The following HTT variants were observed in gnomAD, a reference collection of about 807,000 sequenced individuals.
The protein encoded by HTT is huntington disease protein.
In HTT, 104 loss-of-function variants were observed where a neutral mutation model predicts 362.3. The observed-to-expected ratio is 0.29, with a 90% CI of 0.24 to 0.34. The LOEUF is 0.34. HTT is among the 10% of genes least tolerant of loss of function. The pLI is 1.00. For missense variants in HTT, 3,301 were observed against 3,928.6 expected, an observed-to-expected ratio of 0.84 and a Z score of 4.27; for synonymous variants, 1,577 against 1,548.7, an observed-to-expected ratio of 1.02 and a Z score of -0.43.
chr4:3,238,320 C>T (rs1411866645), intron 64 of HTT, 127 bp from the exon 65 acceptor site: 9 of 641,842 alleles, frequency 1.4e-5, no homozygotes, highest in African/African-American at 7.6e-5. Context: ...CCCTCACGGC[C>T]GAGGGTCCCT....
intron 29 of HTT, among the ~76,000 whole-genome samples, chr4:3,164,004 T>G (rs891482231): frequency 2.2e-4 from 33 of 152,348 alleles, no homozygotes; most frequent in African/African-American, 7.7e-4. Flanking sequence ...TCTAGTTCTT[T>G]TAATTGTGAT....
chr4:3,181,006 A>C (rs775009678), intron 36 of HTT, among the ~76,000 whole-genome samples: 14 of 151,656 alleles, frequency 9.2e-5, no homozygotes, highest in Non-Finnish European at 1.9e-4. Context: ...CCTCCCGAGT[A>C]GCTGGGATTA....
rs555902439 is a variant in HTT at position 3,229,396 on chromosome 4, ACAC to A, written c.8109+391_8109+393del. On this transcript the variant is annotated intron_variant, in intron 59 of 66. Transcript: ENST00000355072. ...CACATGCCACGTGCACACACCCCACACACCACATGTATGTGCCACACACAGCAC... is the reference window on the plus strand; with the variant it reads ...CACATGCCACGTGCACACACCCCACACACATGTATGTGCCACACACAGCAC... Among the ~76,000 whole-genome samples the A allele has an allele frequency of 1.5e-3, 215 of 145,278 alleles. 1 individual carries two copies. Among genetic ancestry groups the A allele is most frequent in the African/African-American group, 5.1e-3 (194 of 37,708 alleles).
chr4:3,082,944 G>A (rs985420996), intron 1 of HTT, among the ~76,000 whole-genome samples: 2 of 152,144 alleles, frequency 1.3e-5, no homozygotes, highest in Admixed American at 6.5e-5. Flanking sequence ...GAGACAATGT[G>A]CAATTTTATT....
chr4:3,184,491 G>C (rs1045432664), intron 37 of HTT, among the ~76,000 whole-genome samples: 1 of 152,144 alleles, frequency 6.6e-6, no homozygotes, highest in African/African-American at 2.4e-5. Flanking sequence ...TGTGAGACCC[G>C]GCACTGGAGT....
chr4:3,190,015 C>CA (rs530752710), intron 40 of HTT, among the ~76,000 whole-genome samples: 1 of 151,482 alleles, frequency 6.6e-6, no homozygotes, highest in African/African-American at 2.4e-5. Context: ...GACCCTGCCT[C>CA]AAAAAAACAA....
In HTT at chr4:3,116,154, A is replaced by G. The variant is rs1394085385; in HGVS notation, c.959A>G (p.Tyr320Cys). ...CTTGGCGTGCTGCTCACCCTGAGGT[A>G]TTTGGTGCCCTTGCTGCAGCAGCAG... is the stretch of plus-strand genomic sequence containing the variant. ...LILGVLLTLR[Y>C]LVPLLQQQVK... Residue 320 changes from tyrosine to cysteine, a missense_variant, in exon 8 of 67, where the codon TAT becomes TGT. Physicochemically the swap from Tyr to Cys is radical, Grantham distance 194 (BLOSUM62 -2). This residue lies in a region of HTT where 2,316 missense variants were observed against 2,658.5 expected (regional missense o/e 0.87). Coordinates refer to ENST00000355072, the MANE Select transcript of HTT (RefSeq NM_001388492.1). 3.1e-6 allele frequency: 5 copies of G among 1,613,900 alleles called. No homozygotes were observed. Among genetic ancestry groups the G allele is most frequent in the East Asian group, 2.2e-5 (1 of 44,896 alleles).
At chr4:3,119,017 T>G (rs1715165065) in intron 8 of HTT, among the ~76,000 whole-genome samples, 1 of 152,220 alleles carries the variant, frequency 6.6e-6, no homozygotes, top group Non-Finnish European at 1.5e-5. Context: ...TATTGATAAT[T>G]TTAGATATGC....
intron 42 of HTT, among the ~76,000 whole-genome samples, chr4:3,205,884 A>G (rs1719833217): frequency 6.6e-6 from 1 of 152,254 alleles, no homozygotes; most frequent in Non-Finnish European, 1.5e-5. Context: ...TTATGAATCA[A>G]GATGAAAAGG....
chr4:3,189,019 G>T lies in HTT; in HGVS notation c.5294G>T (p.Ser1765Ile), dbSNP rs751785967. 3 of 1,614,114 alleles carry T rather than the reference G, an allele frequency of 1.9e-6. No homozygotes were observed. Among genetic ancestry groups the T allele is most frequent in the Non-Finnish European group, 8.5e-7 (1 of 1,179,942 alleles). ...ACAAAACAGCTGAAGGTGGAAATGA[G>T]TGAGCAGCAACATACTTTCTATTGC... The part of the protein sequence containing the change: ...IVTKQLKVEM[S>I]EQQHTFYCQE... The change falls in exon 40 of 67, where the codon AGT becomes ATT. Residue 1765 changes from serine to isoleucine, a missense_variant. Ser to Ile is a moderately radical substitution (Grantham distance 142, BLOSUM62 -2). This residue lies in a region of HTT where 2,316 missense variants were observed against 2,658.5 expected (regional missense o/e 0.87). Transcript: ENST00000355072.
At chr4:3,208,193 A>G (rs887451935) in intron 45 of HTT, among the ~76,000 whole-genome samples, 2 of 152,218 alleles carry the variant, frequency 1.3e-5, no homozygotes, top group Non-Finnish European at 1.5e-5. Flanking sequence ...TGTAGGGCCA[A>G]GCTCTTTTGT....
At chr4:3,188,837 G>A (rs1471328633) in intron 39 of HTT, 114 bp from the exon 40 acceptor site, 2 of 1,027,174 alleles carry the variant, frequency 1.9e-6, no homozygotes. Context: ...AGCGGTTAAT[G>A]TACTCTACCT....
At chr4:3,160,496 C>T (rs773398462) in intron 29 of HTT, 104 bp downstream of exon 29, 14 of 777,362 alleles carry the variant, frequency 1.8e-5, no homozygotes, top group African/African-American at 6.8e-5. Context: ...AGGGTGCCTC[C>T]GGGAGACTCC....
Position 3,121,242 on chromosome 4 carries a change from G to C in HTT, c.1083G>C (p.Thr361=), listed in dbSNP as rs114476023. ...TCTGTTTCTAGGTTTATGAACTGAC[G>C]TTACATCATACACAGCACCAAGACC... The part of the protein sequence containing the change: ...AEQLVQVYEL[T]LHHTQHQDHN... Residue 361 remains threonine (T), a synonymous_variant, in exon 9 of 67, where the codon ACG becomes ACC. Coordinates refer to ENST00000355072, the MANE Select transcript of HTT (RefSeq NM_001388492.1). 1.5e-3 allele frequency: 2,460 copies of C among 1,613,628 alleles called. 22 individuals carry two copies. In the African/African-American group the frequency reaches 0.024, roughly 16 times the overall value.
chr4:3,074,880 CAGCAG>C lies in HTT; in HGVS notation c.56_60del (p.Gln19ProfsTer62), dbSNP rs2110128668. On this transcript the variant is annotated frameshift_variant, in exon 1 of 67. Coordinates refer to ENST00000355072, the MANE Select transcript of HTT (RefSeq NM_001388492.1). LOFTEE classifies it high-confidence loss of function. Reference sequence around the variant, plus strand: ...CTTCGAGTCCCTCAAGTCCTTCCAGCAGCAGCAGCAGCAGCAGCAGCAGCAGCAGC... The same window carrying C: ...CTTCGAGTCCCTCAAGTCCTTCCAGCCAGCAGCAGCAGCAGCAGCAGCAGC... The C allele has an allele frequency of 6.3e-5, 30 of 474,372 alleles. No homozygotes were observed. Among genetic ancestry groups the C allele is most frequent in the Non-Finnish European group, 8.2e-5 (30 of 367,834 alleles). 29.4% of individuals were successfully genotyped at this position (474,372 alleles called of 1,614,324 possible). A position where few individuals can be genotyped will look rare whatever the true frequency, so the allele number is the denominator to read the frequency against.
chr4:3,199,954 C>T lies in HTT; in HGVS notation c.5576+15C>T. The T allele has an allele frequency of 6.2e-7, 1 of 1,602,944 alleles. No individual in the cohort carries two copies. The highest frequency in any genetic ancestry group is 8.5e-7 in the Non-Finnish European group (1 of 1,173,816). ...CAGACCCCGAAGTAGGTTCATAATG[C>T]CCCACAGCCCAGGGCGCCAGCCCAG... On this transcript the variant is annotated intron_variant, in intron 41 of 66. Transcript: ENST00000355072.
chr4:3,101,024 T>C (rs907022029), intron 3 of HTT, among the ~76,000 whole-genome samples: 5 of 152,234 alleles, frequency 3.3e-5, no homozygotes, highest in Non-Finnish European at 7.3e-5. Flanking sequence ...CCACTGTGCC[T>C]GGCCCTTGAT....
In HTT at chr4:3,127,541, C is replaced by T; in HGVS notation, c.1680C>T (p.Asp560=). 6.2e-7 allele frequency: 1 copy of T among 1,614,182 alleles called. No individual in the cohort carries two copies. The highest frequency in any genetic ancestry group is 8.5e-7 in the Non-Finnish European group (1 of 1,180,004). The change falls in exon 12 of 67, where the codon GAC becomes GAT. Residue 560 remains aspartate, a synonymous_variant. Coordinates refer to ENST00000355072, the MANE Select transcript of HTT (RefSeq NM_001388492.1). The stretch of plus-strand genomic sequence containing the variant: ...CCCAGGCCTCGTCGCCCATCAGCGA[C>T]AGCTCCCAGACCACCACCGAAGGGC... ...DGTQASSPIS[D]SSQTTTEGPD... is the part of the protein sequence containing the mutation.
At chr4:3,207,402 G>A (rs751111829) in intron 45 of HTT, 45 bp downstream of exon 45, 9 of 1,402,378 alleles carry the variant, frequency 6.4e-6, no homozygotes. Context: ...GACAACCCAG[G>A]ATATAAAGGA....
Sources: gnomAD v4.1 joint callset for allele counts (sites outside exome capture counted in the v4.1 genomes callset) on GRCh38, gnomAD v4.1.1 for gene constraint, gnomAD v4.1.1 regional missense constraint, MANE v1.5 for transcripts, NCBI Gene and HGNC (gene_info 2026-07-23, HGNC 2026-07-21) for gene names.